Variants in COX10 observed in about 807,000 individuals in gnomAD.
The protein encoded by COX10 is protoheme IX farnesyltransferase, mitochondrial.
Under a neutral mutation model 37.3 loss-of-function variants are expected in COX10, and 27 were observed. The ratio of observed to expected loss-of-function variants is 0.72; its 90% confidence interval spans 0.53 to 1.00. The LOEUF (loss-of-function observed/expected upper bound fraction) is 1.00. Ranked by LOEUF, COX10 falls within the 50% of genes least tolerant of loss-of-function variation. The pLI, the probability that COX10 is intolerant of heterozygous loss-of-function variation, is 0.00. For synonymous variants in COX10, 222 were observed against 229.1 expected (o/e 0.97, Z 0.28); for missense variants, 475 against 563.2 (o/e 0.84, Z 1.59).
At chr17:14,156,428 A>G (rs1020379760) in intron 4 of COX10, among the ~76,000 whole-genome samples, 1 of 152,114 alleles carries the variant, frequency 6.6e-6, no homozygotes, top group Admixed American at 6.5e-5. Flanking sequence ...ACGGGGTTTC[A>G]TCATGTATCC....
chr17:14,109,561 T>C (rs972901590), intron 4 of COX10, among the ~76,000 whole-genome samples: 11 of 152,170 alleles, frequency 7.2e-5, no homozygotes, highest in African/African-American at 2.4e-4. Context: ...TCCAGTATTG[T>C]AGAAGAAGAA....
In COX10 at chr17:14,201,807, G is replaced by A. The variant is rs897149823; in HGVS notation, c.929-5003G>A. 2.0e-5 allele frequency among the ~76,000 whole-genome samples: 3 copies of A among 152,224 alleles called. 1 individual carries two copies. The highest frequency in any genetic ancestry group is 7.2e-5 in the African/African-American group (3 of 41,446). On this transcript the variant is annotated intron_variant, in intron 6 of 6. Transcript: ENST00000261643. ...AAACTCTTTGAATCTGAGACAGCTC[G>A]TGAGCTGGGGCTGGGCTTCTCTGTA...
chr17:14,191,968 G>A lies in COX10; in HGVS notation c.696-21G>A, dbSNP rs372114793. 7 of 1,582,386 alleles carry A rather than the reference G, an allele frequency of 4.4e-6. No homozygotes were observed. The African/African-American group carries it at 9.4e-5, about 21-fold the overall frequency. ...AGTTGAGTTGGAGATGATCACTCCA[G>A]GTTCTCTGCTCTTTTTCCAGCCCAT... On this transcript the variant is annotated intron_variant, in intron 5 of 6. Coordinates refer to ENST00000261643, the MANE Select transcript of COX10 (RefSeq NM_001303.4).
chr17:14,198,203 G>A (rs989901846), intron 6 of COX10, among the ~76,000 whole-genome samples: 1 of 152,164 alleles, frequency 6.6e-6, no homozygotes, highest in African/African-American at 2.4e-5. Flanking sequence ...TCCACTCTGA[G>A]GAGGTAGGGG....
intron 4 of COX10, among the ~76,000 whole-genome samples, chr17:14,144,994 A>C (rs543761262): frequency 2.2e-4 from 34 of 152,162 alleles, no homozygotes; most frequent in Non-Finnish European, 2.5e-4. Flanking sequence ...TAATTGATGG[A>C]ATAAATTTCC....
chr17:14,093,144 A>G (rs1416802128), intron 3 of COX10, among the ~76,000 whole-genome samples: 5 of 152,190 alleles, frequency 3.3e-5, no homozygotes, highest in Non-Finnish European at 5.9e-5. Context: ...AATCTATAGA[A>G]AATCTTAGAG....
chr17:14,088,204 A>AT (rs1313295322), intron 3 of COX10, among the ~76,000 whole-genome samples: 1 of 151,968 alleles, frequency 6.6e-6, no homozygotes, highest in Non-Finnish European at 1.5e-5. Context: ...TATGTAGTGT[A>AT]TTTTTTTGCT....
At chr17:14,174,927 C>T (rs529944105) in intron 5 of COX10, among the ~76,000 whole-genome samples, 1 of 149,040 alleles carries the variant, frequency 6.7e-6, no homozygotes, top group Non-Finnish European at 1.5e-5. Context: ...GAACAAACCA[C>T]TGGTACGTGC....
intron 3 of COX10, among the ~76,000 whole-genome samples, chr17:14,097,681 T>G (rs1915679348): frequency 6.6e-6 from 1 of 152,180 alleles, no homozygotes; most frequent in Non-Finnish European, 1.5e-5. Context: ...CTTTTCAATT[T>G]TAAACAAAAT....
chr17:14,181,979 G>C (rs962433361), intron 5 of COX10: 1 of 982,256 alleles, frequency 1.0e-6, no homozygotes. Context: ...TCAGCAATGA[G>C]GGAGATTCAT....
intron 3 of COX10, among the ~76,000 whole-genome samples, chr17:14,079,838 CA>C (rs1915239909): frequency 9.4e-6 from 1 of 106,410 alleles, no homozygotes; most frequent in Admixed American, 1.2e-4. Context: ...GAAATAGGAT[CA>C]TTTTATATAT....
At chr17:14,172,210 A>G (rs1031674428) in intron 5 of COX10, among the ~76,000 whole-genome samples, 1 of 152,186 alleles carries the variant, frequency 6.6e-6, no homozygotes, top group Non-Finnish European at 1.5e-5. Flanking sequence ...GAAAAGTACT[A>G]TAATAAACAT....
In COX10 at chr17:14,207,501, C is replaced by T; in HGVS notation, c.*288C>T. On this transcript the variant is annotated 3_prime_UTR_variant, in exon 7 of 7. Transcript: ENST00000261643. ...CCACCCTCTATTCTGTTTCTTCCTC[C>T]TCACATGGGGGTACACATACACAGC... The T allele has an allele frequency of 2.5e-6, 1 of 403,872 alleles. No homozygotes were observed. The allele number at this position is 403,872 out of a possible 1,614,324, so 25.0% of individuals were successfully genotyped here.
chr17:14,184,290 A>G lies in COX10; in HGVS notation c.696-7699A>G, dbSNP rs2859474. Among the ~76,000 whole-genome samples the G allele has an allele frequency of 5.8e-3, 879 of 152,326 alleles. 5 individuals carry two copies. The highest frequency in any genetic ancestry group is 0.02 in the African/African-American group (826 of 41,578). On this transcript the variant is annotated intron_variant, in intron 5 of 6. Transcript: ENST00000261643. Reference sequence around the variant, plus strand: ...ACCAGAGAGGTTAAATAAGTTACCCACTTTTAAATAACTAGTTAACTTCAG... The same window carrying G: ...ACCAGAGAGGTTAAATAAGTTACCCGCTTTTAAATAACTAGTTAACTTCAG...
chr17:14,197,471 A>G (rs529192963), intron 6 of COX10, among the ~76,000 whole-genome samples: 1 of 152,314 alleles, frequency 6.6e-6, no homozygotes, highest in South Asian at 2.1e-4. Context: ...TAAAAATCAG[A>G]TAGTGTAAAA....
chr17:14,071,388 A>G (rs1046800217), intron 1 of COX10, among the ~76,000 whole-genome samples: 1 of 152,152 alleles, frequency 6.6e-6, no homozygotes, highest in African/African-American at 2.4e-5. Context: ...AGCTGTGAAC[A>G]TAATTGCCAA....
intron 4 of COX10, among the ~76,000 whole-genome samples, chr17:14,136,515 T>C (rs1462393840): frequency 6.6e-6 from 1 of 152,110 alleles, no homozygotes; most frequent in Middle Eastern, 3.2e-3. Flanking sequence ...GACATACTGA[T>C]GTTTCAGGAA....
intron 3 of COX10, among the ~76,000 whole-genome samples, chr17:14,089,601 T>C (rs758059394): frequency 6.4e-4 from 97 of 152,226 alleles, no homozygotes; most frequent in Non-Finnish European, 1.6e-4. Context: ...CCGTAAGCTT[T>C]CCTCTCTCTC....
chr17:14,181,332 T>C (rs1174020751), intron 5 of COX10, among the ~76,000 whole-genome samples: 11 of 151,952 alleles, frequency 7.2e-5, no homozygotes, highest in Admixed American at 2.0e-4. Flanking sequence ...TTTGGCCTGC[T>C]GTGCCAGGCT....
Sources: allele counts gnomAD v4.1 joint callset (sites outside exome capture counted in the v4.1 genomes callset), GRCh38; gene constraint gnomAD v4.1.1; transcripts MANE v1.5; gene names NCBI Gene and HGNC (gene_info 2026-07-23, HGNC 2026-07-21).